Variants in PCDHA12 observed in about 807,000 individuals in gnomAD.
The protein encoded by PCDHA12 is protocadherin alpha-12.
Under a neutral mutation model 60.0 loss-of-function variants are expected in PCDHA12, and 44 were observed. The observed-to-expected ratio is 0.73, with a 90% CI of 0.58 to 0.94. PCDHA12 has a LOEUF of 0.94. PCDHA12 is among the 40% of genes least tolerant of loss of function. The pLI, the probability that PCDHA12 is intolerant of heterozygous loss-of-function variation, is 0.00. For synonymous variants in PCDHA12, 569 were observed against 553.0 expected, an observed-to-expected ratio of 1.03 and a Z score of -0.40; for missense variants, 1,276 against 1,239.7, an observed-to-expected ratio of 1.03 and a Z score of -0.44.
chr5:140,998,639 A>G (rs1165002908), intron 3 of PCDHA12, among the ~76,000 whole-genome samples: 2 of 151,766 alleles, frequency 1.3e-5, no homozygotes, highest in African/African-American at 2.4e-5. Flanking sequence ...ATCTCAGCTC[A>G]CTGCAACCTC....
intron 3 of PCDHA12, among the ~76,000 whole-genome samples, chr5:141,007,395 C>CAAAAAAAAAAAAAAAAAA (rs35800918): frequency 1.1e-5 from 1 of 94,866 alleles, no homozygotes; most frequent in African/African-American, 4.3e-5. Context: ...TACTAAAATA[C>CAAAAAAAAAAAAAAAAAA]AAAAAAAAAA....
intron 1 of PCDHA12, among the ~76,000 whole-genome samples, chr5:140,921,714 C>T (rs942328848): frequency 2.0e-5 from 3 of 152,046 alleles, no homozygotes; most frequent in South Asian, 2.1e-4. Context: ...AGTAAACACA[C>T]GAATTACTCC....
intron 1 of PCDHA12, among the ~76,000 whole-genome samples, chr5:140,931,261 A>G (rs1455233876): frequency 6.6e-6 from 1 of 152,152 alleles, no homozygotes; most frequent in African/African-American, 2.4e-5. Flanking sequence ...AAATTTCACT[A>G]TTTATTTCTT....
intron 1 of PCDHA12, among the ~76,000 whole-genome samples, chr5:140,937,805 G>A (rs1192616946): frequency 1.3e-5 from 2 of 149,798 alleles, no homozygotes; most frequent in African/African-American, 2.5e-5. Context: ...CCAGCTACTC[G>A]GGAAGCTGAG....
intron 1 of PCDHA12, among the ~76,000 whole-genome samples, chr5:140,954,634 T>C (rs1366737169): frequency 6.6e-6 from 1 of 152,210 alleles, no homozygotes; most frequent in Admixed American, 6.5e-5. Flanking sequence ...GTTTTTCTTG[T>C]AAATTTGTTT....
intron 1 of PCDHA12, chr5:140,883,813 C>CA (rs2059834466): frequency 6.2e-7 from 1 of 1,612,382 alleles, no homozygotes; most frequent in Non-Finnish European, 8.5e-7. Context: ...CGGAGAGCGG[C>CA]AAGGTGTACG....
intron 3 of PCDHA12, among the ~76,000 whole-genome samples, chr5:140,988,745 G>A (rs943188955): frequency 3.9e-5 from 6 of 152,152 alleles, no homozygotes; most frequent in Non-Finnish European, 5.9e-5. Flanking sequence ...TCTAGGATTG[G>A]TGGCCTGGGC....
intron 1 of PCDHA12, chr5:140,927,331 A>T: frequency 6.2e-7 from 1 of 1,614,134 alleles, no homozygotes; most frequent in Non-Finnish European, 8.5e-7. Flanking sequence ...TACTCTCCCG[A>T]ATGCCCAAGA....
At chr5:140,943,316 A>G (rs1326467105) in intron 1 of PCDHA12, among the ~76,000 whole-genome samples, 3 of 151,868 alleles carry the variant, frequency 2.0e-5, no homozygotes, top group African/African-American at 4.8e-5. Context: ...ATTATTAGCA[A>G]TATTGTGTAG....
intron 3 of PCDHA12, among the ~76,000 whole-genome samples, chr5:140,989,687 G>A (rs956131200): frequency 2.0e-4 from 31 of 152,176 alleles, no homozygotes; most frequent in African/African-American, 6.3e-4. Flanking sequence ...TCAAAGGAAC[G>A]TGAAAATTTT....
chr5:140,968,357 C>A (rs1554230636), intron 1 of PCDHA12: 2 of 1,614,080 alleles, frequency 1.2e-6, no homozygotes, highest in Non-Finnish European at 1.7e-6. Flanking sequence ...CAGTGGCAGC[C>A]TTTATGCTGT....
chr5:140,926,798 C>T (rs1584463033), intron 1 of PCDHA12: 2 of 1,455,342 alleles, frequency 1.4e-6, no homozygotes, highest in East Asian at 2.5e-5. Context: ...GGAGCGTGCT[C>T]TTCCCCGCGG....
intron 1 of PCDHA12, chr5:140,966,442 T>C (rs1474683794): frequency 4.7e-6 from 2 of 424,056 alleles, no homozygotes; most frequent in East Asian, 3.6e-5. Flanking sequence ...TACCGCTCCC[T>C]TTCCCCCTCC....
chr5:140,904,189 C>G (rs1436545458), intron 1 of PCDHA12, among the ~76,000 whole-genome samples: 1 of 151,968 alleles, frequency 6.6e-6, no homozygotes, highest in Non-Finnish European at 1.5e-5. Context: ...CCCCTTCCCA[C>G]CCTTTCCCCC....
In PCDHA12 at chr5:140,876,439, A is replaced by G; in HGVS notation, c.967A>G (p.Ile323Val). 4 of 1,613,988 alleles carry G rather than the reference A, an allele frequency of 2.5e-6. No individual in the cohort carries two copies. The East Asian group carries it at 8.9e-5, about 36-fold the overall frequency. ...NNAYEIQVNAIDKGIPSMAGH... is the reference protein window; with the variant it reads ...NNAYEIQVNAVDKGIPSMAGH... ...TGCCTATGAAATTCAGGTTAACGCC[A>G]TTGATAAAGGGATTCCTTCCATGGC... is the stretch of plus-strand genomic sequence containing the variant. Residue 323 changes from isoleucine (I) to valine (V), a missense_variant, in exon 1 of 4, where the codon ATT (isoleucine) becomes GTT (valine). Physicochemically the swap from Ile to Val is conservative, Grantham distance 29 (BLOSUM62 3). Transcript: ENST00000398631.
chr5:140,991,308 C>T (rs374484318), intron 3 of PCDHA12, among the ~76,000 whole-genome samples: 1 of 152,282 alleles, frequency 6.6e-6, no homozygotes, highest in South Asian at 2.1e-4. Flanking sequence ...ATTATCTTGT[C>T]CCGCATGATA....
intron 3 of PCDHA12, among the ~76,000 whole-genome samples, chr5:141,000,412 TATATA>T (rs2097919858): frequency 7.8e-5 from 8 of 102,770 alleles, no homozygotes; most frequent in African/African-American, 2.3e-4. Flanking sequence ...TATATATATA[TATATA>T]TATATTTTTT....
chr5:140,927,172 G>C (rs782548172), intron 1 of PCDHA12: 2 of 1,614,034 alleles, frequency 1.2e-6, no homozygotes, highest in African/African-American at 2.7e-5. Flanking sequence ...AGCTGCCTGC[G>C]TCTTGACCTA....
At position 140,876,466 on chromosome 5, in the gene PCDHA12, G is replaced by C; in HGVS notation, c.994G>C (p.Gly332Arg). Residue 332 changes from glycine (G) to arginine (R), a missense_variant, in exon 1 of 4, where the codon GGT becomes CGT. By Grantham distance (125) the Gly-to-Arg change is moderately radical. Coordinates refer to ENST00000398631, the MANE Select transcript of PCDHA12 (RefSeq NM_018903.4). ...AIDKGIPSMA[G>R]HSMVLVEVLD... ...TGATAAAGGGATTCCTTCCATGGCA[G>C]GTCACAGCATGGTCCTGGTGGAAGT... is the stretch of plus-strand genomic sequence containing the variant. 1 of 1,614,018 alleles carries C rather than the reference G, an allele frequency of 6.2e-7. No homozygotes were observed. Among genetic ancestry groups the C allele is most frequent in the Non-Finnish European group, 8.5e-7 (1 of 1,179,894 alleles).
Sources: gnomAD v4.1 joint callset for allele counts (sites outside exome capture counted in the v4.1 genomes callset) on GRCh38, gnomAD v4.1.1 for gene constraint, MANE v1.5 for transcripts, NCBI Gene and HGNC (gene_info 2026-07-23, HGNC 2026-07-21) for gene names.